Variants in TGFBR3 observed in about 807,000 individuals in gnomAD.
TGFBR3 encodes the protein transforming growth factor beta receptor 3, also known as transforming growth factor beta receptor type 3.
TGFBR3 carries 46 observed loss-of-function variants against 87.9 expected under a neutral mutation model. The ratio of observed to expected loss-of-function variants is 0.52; its 90% CI spans 0.41 to 0.67. TGFBR3 has a LOEUF of 0.67. TGFBR3 is among the 30% of genes least tolerant of loss of function. TGFBR3 has a pLI of 0.00. For synonymous variants in TGFBR3, 381 were observed against 391.6 expected (o/e 0.97, Z 0.32); for missense variants, 866 against 1,041.9 (o/e 0.83, Z 2.32).
intron 1 of TGFBR3, among the ~76,000 whole-genome samples, chr1:91,873,285 T>C (rs1448424836): frequency 1.4e-5 from 2 of 140,322 alleles, no homozygotes; most frequent in Admixed American, 1.4e-4. Flanking sequence ...TTCCCTTCTT[T>C]TTTTTTTTTT....
At chr1:91,833,912 G>C (rs867101179) in intron 2 of TGFBR3, among the ~76,000 whole-genome samples, 8 of 151,896 alleles carry the variant, frequency 5.3e-5, no homozygotes, top group Admixed American at 1.3e-4. Flanking sequence ...AAGAAACAAA[G>C]AAAAAAGGAG....
At chr1:91,698,012 G>T in intron 15 of TGFBR3, 77 bp downstream of exon 15, 1 of 1,378,842 alleles carries the variant, frequency 7.3e-7, no homozygotes, top group South Asian at 1.2e-5. Flanking sequence ...CTCAAAGTTT[G>T]GCAAATGTTC....
chr1:91,704,517 C>A (rs963984448), intron 14 of TGFBR3, among the ~76,000 whole-genome samples: 2 of 152,092 alleles, frequency 1.3e-5, no homozygotes, highest in African/African-American at 2.4e-5. Flanking sequence ...AATCCCAGAT[C>A]CACCATTTAT....
Position 91,682,714 on chromosome 1 carries a change from T to C in TGFBR3, c.*1025A>G. 2.2e-6 allele frequency: 1 copy of C among 453,950 alleles called. No homozygotes were observed. Among genetic ancestry groups the C allele is most frequent in the South Asian group, 1.6e-5 (1 of 64,458 alleles). 28.1% of individuals were successfully genotyped at this position (453,950 alleles called of 1,614,324 possible). On this transcript the variant is annotated 3_prime_UTR_variant, in exon 17 of 17. Transcript: ENST00000212355. ...GGGCCTATTTTTTTTTAAGTTGACATATTTTGAGTGGAAACACTCACCCTA... is the reference window on the plus strand; with the variant it reads ...GGGCCTATTTTTTTTTAAGTTGACACATTTTGAGTGGAAACACTCACCCTA...
intron 2 of TGFBR3, among the ~76,000 whole-genome samples, chr1:91,824,586 TA>T (rs1310211833): frequency 6.6e-5 from 10 of 152,214 alleles, no homozygotes; most frequent in African/African-American, 2.4e-4. Context: ...CTAGGATGAC[TA>T]ATTCAAAATG....
chr1:91,831,973 T>C (rs1676868847), intron 2 of TGFBR3, among the ~76,000 whole-genome samples: 1 of 152,252 alleles, frequency 6.6e-6, no homozygotes, highest in South Asian at 2.1e-4. Context: ...AAAACTTTTC[T>C]CCTTAAAATT....
At chr1:91,810,838 T>C (rs1391628625) in intron 2 of TGFBR3, among the ~76,000 whole-genome samples, 1 of 152,186 alleles carries the variant, frequency 6.6e-6, no homozygotes, top group East Asian at 1.9e-4. Flanking sequence ...TGTATTACTG[T>C]AATTATTACC....
chr1:91,888,153 C>T (rs1679376487), upstream of TGFBR3, among the ~76,000 whole-genome samples: 1 of 152,172 alleles, frequency 6.6e-6, no homozygotes, highest in Non-Finnish European at 1.5e-5. Context: ...TCTCCGTGTA[C>T]CAGCTCTCTC....
At chr1:91,861,116 T>C (rs1678170794) in intron 2 of TGFBR3, among the ~76,000 whole-genome samples, 1 of 151,894 alleles carries the variant, frequency 6.6e-6, no homozygotes, top group African/African-American at 2.4e-5. Flanking sequence ...AAAATGTAAA[T>C]ACAGGTCAGG....
chr1:91,728,387 T>A (rs564651957), intron 6 of TGFBR3, among the ~76,000 whole-genome samples: 1 of 152,322 alleles, frequency 6.6e-6, no homozygotes, highest in East Asian at 1.9e-4. Context: ...CTGCATTTAC[T>A]TTCCCAAACT....
intron 3 of TGFBR3, among the ~76,000 whole-genome samples, chr1:91,769,124 TA>T (rs968891035): frequency 2.6e-5 from 4 of 152,198 alleles, no homozygotes; most frequent in African/African-American, 7.2e-5. Context: ...AACATGGGGA[TA>T]ATAATTGTAT....
intron 13 of TGFBR3, among the ~76,000 whole-genome samples, chr1:91,709,241 T>C (rs1288211275): frequency 6.6e-6 from 1 of 152,132 alleles, no homozygotes; most frequent in East Asian, 1.9e-4. Context: ...AAAATATCAC[T>C]AAGTTGAAAA....
chr1:91,904,817 C>T (rs1185006512), intron 1 of TGFBR3, among the ~76,000 whole-genome samples: 2 of 151,984 alleles, frequency 1.3e-5, no homozygotes, highest in African/African-American at 4.8e-5. Context: ...CCGCCCACCT[C>T]GGCCTCCCAA....
chr1:91,710,113 T>C (rs1557669203), intron 13 of TGFBR3, among the ~76,000 whole-genome samples: 1 of 152,194 alleles, frequency 6.6e-6, no homozygotes, highest in South Asian at 2.1e-4. Flanking sequence ...AATACAGCCA[T>C]CATTTTAAGT....
chr1:91,898,202 C>A (rs1353562789), intron 2 of TGFBR3, among the ~76,000 whole-genome samples: 1 of 152,108 alleles, frequency 6.6e-6, no homozygotes, highest in Non-Finnish European at 1.5e-5. Context: ...TAACCACTTT[C>A]AGGAATTTAG....
At chr1:91,713,284 T>C (rs754988316) in intron 12 of TGFBR3, among the ~76,000 whole-genome samples, 8 of 152,230 alleles carry the variant, frequency 5.3e-5, no homozygotes, top group Non-Finnish European at 1.0e-4. Flanking sequence ...AACACTTGTA[T>C]GGGCTACGTC....
chr1:91,771,243 T>C (rs1034377342), intron 3 of TGFBR3, among the ~76,000 whole-genome samples: 1 of 152,168 alleles, frequency 6.6e-6, no homozygotes, highest in Non-Finnish European at 1.5e-5. Context: ...ATGGCTACTA[T>C]GTGTAAAGCA....
At position 91,683,613 on chromosome 1, in the gene TGFBR3, C is replaced by T. The variant is rs564491881; in HGVS notation, c.*126G>A. The T allele has an allele frequency of 1.3e-6, 1 of 782,408 alleles. No homozygotes were observed. Among genetic ancestry groups the T allele is most frequent in the East Asian group, 2.7e-5 (1 of 37,454 alleles). 48.5% of individuals were successfully genotyped at this position (782,408 alleles called of 1,614,324 possible). ...ATCTTTATACTGAAATTCACTCTGTCTTTACAAGGGAACCAAAATCCAGCC... is the reference window on the plus strand; with the variant it reads ...ATCTTTATACTGAAATTCACTCTGTTTTTACAAGGGAACCAAAATCCAGCC... On this transcript the variant is annotated 3_prime_UTR_variant, in exon 17 of 17. Coordinates refer to ENST00000212355, the MANE Select transcript of TGFBR3 (RefSeq NM_003243.5).
chr1:91,882,407 G>A (rs1679124253), intron 1 of TGFBR3, among the ~76,000 whole-genome samples: 1 of 151,372 alleles, frequency 6.6e-6, no homozygotes, highest in East Asian at 2.0e-4. Flanking sequence ...AACATGCTGG[G>A]ATTACAGGCG....
Sources: gnomAD v4.1 joint callset for allele counts (sites outside exome capture counted in the v4.1 genomes callset) on GRCh38, gnomAD v4.1.1 for gene constraint, MANE v1.5 for transcripts, NCBI Gene and HGNC (gene_info 2026-07-23, HGNC 2026-07-21) for gene names.